Variants in ADAM32 observed in about 807,000 individuals in gnomAD.
The protein encoded by ADAM32 is ADAM metallopeptidase domain 32.
A neutral mutation model predicts 114.9 loss-of-function variants in ADAM32; 89 were observed. The ratio of observed to expected loss-of-function variants is 0.77; its 90% confidence interval spans 0.65 to 0.92. The LOEUF (loss-of-function observed/expected upper bound fraction) is 0.92. Among genes scored for constraint, ADAM32 ranks in the 40% least tolerant of loss-of-function variants. The probability of loss-of-function intolerance (pLI) is 0.00; values close to 1 mark genes in which losing one functional copy is unlikely to be tolerated. For synonymous variants in ADAM32, 285 were observed against 307.5 expected (o/e 0.93, Z 0.77); for missense variants, 870 against 932.8 (o/e 0.93, Z 0.88).
At chr8:39,111,066 A>G (rs987508162) in intron 1 of ADAM32, among the ~76,000 whole-genome samples, 1 of 152,262 alleles carries the variant, frequency 6.6e-6, no homozygotes, top group African/African-American at 2.4e-5. Context: ...TGTAGAATGC[A>G]TTAGAACTTC....
chr8:39,207,704 C>T (rs1299030633), intron 11 of ADAM32, among the ~76,000 whole-genome samples: 5 of 152,150 alleles, frequency 3.3e-5, no homozygotes, highest in African/African-American at 9.7e-5. Context: ...TCCCAGTCTT[C>T]CTCTCTCTCT....
intron 12 of ADAM32, 56 bp from the exon 13 acceptor site, chr8:39,221,553 TA>T: frequency 7.3e-7 from 1 of 1,362,168 alleles, no homozygotes; most frequent in Non-Finnish European, 1.0e-6. Context: ...TAACTCCTAG[TA>T]AAGATTTTAC....
At position 39,274,261 on chromosome 8, in the gene ADAM32, G is replaced by A. The variant is rs1279299361; in HGVS notation, c.2202-51G>A. ...TGGCCTGATTTTCATTCATGAAGTT[G>A]GCAAGTTTTCTTAGTACTAACTTGA... On this transcript the variant is annotated intron_variant, in intron 20 of 24. Transcript: ENST00000379907. 3 of 1,565,044 alleles carry A rather than the reference G, an allele frequency of 1.9e-6. No homozygotes were observed. The East Asian group carries it at 6.7e-5, about 35-fold the overall frequency.
chr8:39,234,115 G>A (rs2129449440), intron 16 of ADAM32, 33 bp downstream of exon 16: 1 of 1,238,322 alleles, frequency 8.1e-7, no homozygotes, highest in East Asian at 3.0e-5. Context: ...AAAAAATATA[G>A]TTTTATTTAT....
chr8:39,167,932 C>G (rs1159544590), intron 9 of ADAM32: 1 of 151,950 alleles, frequency 6.6e-6, no homozygotes, highest in Non-Finnish European at 1.5e-5. Flanking sequence ...GATCTAGGAG[C>G]TTTCTGGAGG....
chr8:39,259,825 G>A (rs1394124096), intron 19 of ADAM32, among the ~76,000 whole-genome samples: 1 of 152,160 alleles, frequency 6.6e-6, no homozygotes, highest in African/African-American at 2.4e-5. Context: ...ACTTTGCCTA[G>A]CTTTTTCCAT....
chr8:39,143,124 T>C (rs1172972404), intron 3 of ADAM32, among the ~76,000 whole-genome samples: 1 of 152,192 alleles, frequency 6.6e-6, no homozygotes, highest in African/African-American at 2.4e-5. Flanking sequence ...TTTTCAAGGT[T>C]TTTGGCTTCC....
rs534274706 is a variant in ADAM32, at chr8:39,254,007, C to G, written c.1903-407C>G. ...CAGTACAAAGGTACAGTAACCAGAA[C>G]AGGATGTTACTGTCATAAAATAGAG... On this transcript the variant is annotated intron_variant, in intron 17 of 24. Coordinates refer to ENST00000379907, the MANE Select transcript of ADAM32 (RefSeq NM_145004.7). Among the ~76,000 whole-genome samples the G allele has an allele frequency of 2.0e-3, 309 of 151,652 alleles. 2 individuals carry two copies. Among genetic ancestry groups the G allele is most frequent in the African/African-American group, 7.0e-3 (290 of 41,502 alleles).
chr8:39,204,398 T>C (rs1807669228), intron 11 of ADAM32, among the ~76,000 whole-genome samples: 1 of 152,250 alleles, frequency 6.6e-6, no homozygotes, highest in African/African-American at 2.4e-5. Context: ...CAATCACTGA[T>C]ACTCTTTCTT....
At chr8:39,156,270 C>G (rs1372946259) in intron 6 of ADAM32, among the ~76,000 whole-genome samples, 1 of 152,130 alleles carries the variant, frequency 6.6e-6, no homozygotes, top group African/African-American at 2.4e-5. Flanking sequence ...GCCTCTGCCT[C>G]CCAATTAGCT....
chr8:39,205,822 T>C (rs1807793035), intron 11 of ADAM32, among the ~76,000 whole-genome samples: 1 of 152,224 alleles, frequency 6.6e-6, no homozygotes, highest in Admixed American at 6.5e-5. Context: ...CTGTTTTGTC[T>C]CACTAAGTTT....
chr8:39,264,565 G>C (rs571281934), intron 19 of ADAM32, among the ~76,000 whole-genome samples: 5 of 151,940 alleles, frequency 3.3e-5, no homozygotes, highest in Admixed American at 3.3e-4. Flanking sequence ...GTTCAGTTTG[G>C]ATTTTGCTAT....
At chr8:39,268,715 A>G (rs1812520803) in intron 19 of ADAM32, among the ~76,000 whole-genome samples, 1 of 152,202 alleles carries the variant, frequency 6.6e-6, no homozygotes, top group Admixed American at 6.5e-5. Context: ...TAAAAGTTTC[A>G]AAGTTTTAGG....
intron 4 of ADAM32, 58 bp downstream of exon 4, chr8:39,147,263 T>G: frequency 1.4e-6 from 1 of 713,700 alleles, no homozygotes. Context: ...ATTAAATAAA[T>G]GCTTTATTAT....
At chr8:39,234,840 TA>T (rs1810002796) in intron 16 of ADAM32, among the ~76,000 whole-genome samples, 2 of 152,224 alleles carry the variant, frequency 1.3e-5, no homozygotes, top group South Asian at 4.1e-4. Flanking sequence ...CAGCCAGAGA[TA>T]AGAACTTAAA....
chr8:39,251,704 A>G (rs1811319027), intron 17 of ADAM32, among the ~76,000 whole-genome samples: 1 of 151,848 alleles, frequency 6.6e-6, no homozygotes, highest in Non-Finnish European at 1.5e-5. Context: ...TTTGCTGTGT[A>G]GAAGCTTTTT....
chr8:39,199,795 C>T (rs1172306747), intron 11 of ADAM32, among the ~76,000 whole-genome samples: 6 of 149,058 alleles, frequency 4.0e-5, no homozygotes, highest in Non-Finnish European at 5.9e-5. Context: ...CAACAGGCAC[C>T]GGTGTGTGAT....
At chr8:39,278,528 G>A (rs560440951) in intron 22 of ADAM32, among the ~76,000 whole-genome samples, 1 of 152,132 alleles carries the variant, frequency 6.6e-6, no homozygotes, top group African/African-American at 2.4e-5. Context: ...CTAAGCAACA[G>A]AAGAATCTTT....
rs369488910 is a variant in ADAM32 at position 39,282,991 on chromosome 8, C to T, written c.2319-595C>T. 9.9e-5 allele frequency among the ~76,000 whole-genome samples: 15 copies of T among 152,190 alleles called. 1 individual carries two copies. Among genetic ancestry groups the T allele is most frequent in the East Asian group, 5.8e-4 (3 of 5,182 alleles). On this transcript the variant is annotated intron_variant, in intron 23 of 24. Transcript: ENST00000379907. ...TGTGCATTATCACTGAATACTCTCA[C>T]TTATATTGTATTATCTTCTCTGTGA...
Sources: gnomAD v4.1 joint callset for allele counts (sites outside exome capture counted in the v4.1 genomes callset) on GRCh38, gnomAD v4.1.1 for gene constraint, MANE v1.5 for transcripts, NCBI Gene and HGNC (gene_info 2026-07-23, HGNC 2026-07-21) for gene names.